The following NAV2 variants were observed in gnomAD, a reference collection of about 807,000 sequenced individuals.
NAV2 encodes the protein helicase, APC down-regulated 1.
Under a neutral mutation model 223.2 loss-of-function variants are expected in NAV2, and 54 were observed. The observed-to-expected ratio is 0.24, with a 90% confidence interval of 0.19 to 0.30. NAV2 has a LOEUF of 0.30. NAV2 is among the 10% of genes least tolerant of loss of function. NAV2 has a pLI of 1.00. For synonymous variants in NAV2, 1,279 were observed against 1,239.3 expected, an observed-to-expected ratio of 1.03 and a Z score of -0.67; for missense variants, 2,806 against 3,147.5, an observed-to-expected ratio of 0.89 and a Z score of 2.60.
intron 2 of NAV2, among the ~76,000 whole-genome samples, chr11:19,833,760 T>G (rs2060079033): frequency 6.6e-6 from 1 of 152,164 alleles, no homozygotes; most frequent in African/African-American, 2.4e-5. Flanking sequence ...GAGGCTTAAC[T>G]GGGGAAGGGT....
At chr11:20,001,121 C>A (rs999874433) in intron 11 of NAV2, among the ~76,000 whole-genome samples, 2 of 152,160 alleles carry the variant, frequency 1.3e-5, no homozygotes, top group Admixed American at 6.5e-5. Context: ...AAACACTTGG[C>A]AGTCTCTAGC....
intron 1 of NAV2, among the ~76,000 whole-genome samples, chr11:19,677,988 C>A (rs1390508633): frequency 6.6e-6 from 1 of 152,224 alleles, no homozygotes; most frequent in Non-Finnish European, 1.5e-5. Flanking sequence ...ATCCCAGTAT[C>A]CTTCTCCTTT....
At chr11:20,111,272 A>C (rs2062616937) in intron 36 of NAV2, among the ~76,000 whole-genome samples, 1 of 151,884 alleles carries the variant, frequency 6.6e-6, no homozygotes, top group South Asian at 2.1e-4. Flanking sequence ...TCCTGCTCCC[A>C]TTTTTCCTGA....
At chr11:19,842,002 G>A (rs1384535973) in intron 2 of NAV2, among the ~76,000 whole-genome samples, 1 of 152,274 alleles carries the variant, frequency 6.6e-6, no homozygotes, top group African/African-American at 2.4e-5. Flanking sequence ...GATGTCACAC[G>A]CTAAGAAGCT....
At chr11:20,047,618 T>C (rs866782472) in intron 14 of NAV2, among the ~76,000 whole-genome samples, 3 of 152,234 alleles carry the variant, frequency 2.0e-5, no homozygotes, top group African/African-American at 7.2e-5. Context: ...GTAAGCATTC[T>C]AAAGCCAAGA....
chr11:19,876,018 G>GAATT (rs996796849), intron 4 of NAV2, among the ~76,000 whole-genome samples: 3 of 152,098 alleles, frequency 2.0e-5, no homozygotes, highest in Admixed American at 6.5e-5. Flanking sequence ...AGTTTCTTAT[G>GAATT]TATTTATTTA....
intron 1 of NAV2, among the ~76,000 whole-genome samples, chr11:19,660,091 G>C (rs901360113): frequency 2.6e-5 from 4 of 152,120 alleles, no homozygotes; most frequent in African/African-American, 7.2e-5. Flanking sequence ...AGTACCCCAG[G>C]CATCCTTCTC....
At chr11:19,782,730 A>G (rs1454576437) in intron 1 of NAV2, among the ~76,000 whole-genome samples, 2 of 152,152 alleles carry the variant, frequency 1.3e-5, no homozygotes, top group Non-Finnish European at 2.9e-5. Context: ...ATTGTTACAG[A>G]AATGCTGTTT....
At chr11:19,719,340 G>A (rs1171925861) in intron 1 of NAV2, among the ~76,000 whole-genome samples, 1 of 152,230 alleles carries the variant, frequency 6.6e-6, no homozygotes, top group Admixed American at 6.5e-5. Flanking sequence ...TGAGAAAGCA[G>A]AGGCCAAGGG....
rs187627611 is a variant in NAV2 at position 19,569,970 on chromosome 11, T to G, written c.75+218943T>G. 1.9e-3 allele frequency among the ~76,000 whole-genome samples: 296 copies of G among 152,362 alleles called. 1 individual carries two copies. The highest frequency in any genetic ancestry group is 6.9e-3 in the Admixed American group (105 of 15,306). ...CCTTGTATTCAACCAGGTGGCTGTC[T>G]CACCTGAGCCTTCCTCCCAGGCAGC... On this transcript the variant is annotated intron_variant, in intron 1 of 37. Transcript: ENST00000360655.
intron 11 of NAV2, among the ~76,000 whole-genome samples, chr11:19,986,355 C>A (rs903790763): frequency 2.6e-5 from 4 of 152,204 alleles, no homozygotes; most frequent in Non-Finnish European, 5.9e-5. Context: ...CATGGTGGCT[C>A]ACGCCTGTAA....
intron 1 of NAV2, among the ~76,000 whole-genome samples, chr11:19,566,004 G>A (rs1399743382): frequency 6.7e-6 from 1 of 149,912 alleles, no homozygotes; most frequent in African/African-American, 2.5e-5. Flanking sequence ...AGGACACTGG[G>A]CTGCAGCATG....
At chr11:19,906,685 A>G (rs899398015) in intron 6 of NAV2, among the ~76,000 whole-genome samples, 1 of 152,186 alleles carries the variant, frequency 6.6e-6, no homozygotes, top group African/African-American at 2.4e-5. Context: ...CCCCAGTCCC[A>G]TAGAAGGTGT....
chr11:20,026,469 C>A (rs566217517), intron 11 of NAV2, among the ~76,000 whole-genome samples: 1 of 151,862 alleles, frequency 6.6e-6, no homozygotes, highest in African/African-American at 2.4e-5. Context: ...TGCCACCATA[C>A]CTGGCTAATT....
chr11:19,602,504 A>T (rs1251427029), intron 1 of NAV2, among the ~76,000 whole-genome samples: 1 of 152,146 alleles, frequency 6.6e-6, no homozygotes, highest in African/African-American at 2.4e-5. Flanking sequence ...AAGGGAGAGT[A>T]TATTAGTTTC....
rs200236545 is a variant in NAV2 at position 19,984,227 on chromosome 11, G to A, written c.2748G>A (p.Leu916=). 1 of 1,614,168 alleles carries A rather than the reference G, an allele frequency of 6.2e-7. No individual in the cohort carries two copies. Among genetic ancestry groups the A allele is most frequent in the Non-Finnish European group, 8.5e-7 (1 of 1,180,016 alleles). The part of the protein sequence containing the change: ...VRETLQRNTS[L]GLGDADSWDD... ...AGACCCTGCAACGAAATACCTCCCTGGGCCTCGGAGACGCTGACAGGTAAG... is the reference window on the plus strand; with the variant it reads ...AGACCCTGCAACGAAATACCTCCCTAGGCCTCGGAGACGCTGACAGGTAAG... Residue 916 remains leucine (L), a synonymous_variant, in exon 11 of 38, where the codon CTG becomes CTA. Coordinates refer to ENST00000349880, the MANE Select transcript of NAV2 (RefSeq NM_145117.5).
chr11:19,760,154 C>T (rs2054617322), intron 1 of NAV2: 1 of 152,256 alleles, frequency 6.6e-6, no homozygotes, highest in South Asian at 2.1e-4. Flanking sequence ...GAACTGTATC[C>T]TCATTTCATT....
chr11:20,092,460 A>G (rs2060918027), intron 28 of NAV2, 92 bp downstream of exon 28: 1 of 1,361,412 alleles, frequency 7.3e-7, no homozygotes, highest in Non-Finnish European at 1.0e-6. Context: ...AGATCAACAG[A>G]TCAAATGGAG....
chr11:19,937,109 G>A lies in NAV2; in HGVS notation c.2034-2552G>A, dbSNP rs150710552. 8.4e-3 allele frequency among the ~76,000 whole-genome samples: 1,275 copies of A among 152,262 alleles called. 13 individuals are homozygous for A. The highest frequency in any genetic ancestry group is 0.03 in the African/African-American group (1,229 of 41,558). On this transcript the variant is annotated intron_variant, in intron 7 of 37. Transcript: ENST00000349880. ...GCCATGATCACGCCACTGCACACCA[G>A]CCTGGGCAACAGAACGAGACTGTCT... is the stretch of plus-strand genomic sequence containing the variant.
Sources: gnomAD v4.1 joint callset for allele counts (sites outside exome capture counted in the v4.1 genomes callset) on GRCh38, gnomAD v4.1.1 for gene constraint, MANE v1.5 for transcripts, NCBI Gene and HGNC (gene_info 2026-07-23, HGNC 2026-07-21) for gene names.